Variants in ACOT11 observed in about 807,000 individuals in gnomAD.
ACOT11 encodes the protein acyl-CoA thioesterase 11.
ACOT11 carries 69 observed loss-of-function variants against 77.5 expected under a neutral mutation model. The observed-to-expected ratio is 0.89, with a 90% CI of 0.73 to 1.09. The LOEUF (loss-of-function observed/expected upper bound fraction) is 1.09. Among genes scored for constraint, ACOT11 ranks in the 50% least tolerant of loss-of-function variants. ACOT11 has a pLI of 0.00. For missense variants in ACOT11, 766 were observed against 813.7 expected (o/e 0.94, Z 0.71); for synonymous variants, 279 against 313.0 (o/e 0.89, Z 1.15).
chr1:54,584,757 G>A lies in ACOT11; in HGVS notation c.136G>A (p.Glu46Lys), dbSNP rs766706122. The change falls in exon 2 of 16, where the codon GAG becomes AAG. Residue 46 changes from glutamate to lysine, a missense_variant. Physicochemically the swap from Glu to Lys is moderately conservative, Grantham distance 56 (BLOSUM62 1). Coordinates refer to ENST00000343744, the MANE Select transcript of ACOT11 (RefSeq NM_147161.4). This position sits in a 1 kb window ranked among gnomAD's most constrained non-coding sequence, Gnocchi z 6.3. Reference sequence around the variant, plus strand: ...CGGCGAGGGATACCGGAACCCCACGGAGGTGCAGATGAGCCAGCTGGTGCT... The same window carrying A: ...CGGCGAGGGATACCGGAACCCCACGAAGGTGCAGATGAGCCAGCTGGTGCT... The part of the protein sequence containing the change: ...ADGEGYRNPT[E>K]VQMSQLVLPC... The A allele has an allele frequency of 7.4e-5, 119 of 1,614,000 alleles. No individual in the cohort carries two copies. The Admixed American group carries it at 2.0e-3, about 27-fold the overall frequency.
intron 1 of ACOT11, among the ~76,000 whole-genome samples, chr1:54,567,156 A>G (rs1343356670): frequency 2.0e-5 from 3 of 152,114 alleles, no homozygotes; most frequent in Non-Finnish European, 4.4e-5. Flanking sequence ...ATAGGATCTC[A>G]CAAATTCTTG....
chr1:54,632,233 C>A (rs1229736432), intron 16 of ACOT11, among the ~76,000 whole-genome samples: 1 of 152,216 alleles, frequency 6.6e-6, no homozygotes, highest in Admixed American at 6.5e-5. Context: ...GTCCCGGGCC[C>A]CGCTCTAAAC....
chr1:54,621,176 CCTG>C lies in ACOT11; in HGVS notation c.1630-9556_1630-9554del, dbSNP rs138111243. On this transcript the variant is annotated intron_variant, in intron 15 of 16. Coordinates refer to the ACOT11 transcript ENST00000371316. ...ACACTGTCTCAAAAAAAAAAAAAAA[CCTG>C]CGCGCGGCGGCTGACGCCTGTAATC... 1.7e-3 allele frequency among the ~76,000 whole-genome samples: 250 copies of C among 146,762 alleles called. 4 individuals carry two copies. The East Asian group carries it at 0.045, about 27-fold the overall frequency.
intron 11 of ACOT11, 142 bp from the exon 12 acceptor site, chr1:54,604,204 C>G (rs776161434): frequency 2.7e-6 from 2 of 751,978 alleles, no homozygotes; most frequent in African/African-American, 1.7e-5. Context: ...GCCCAGGACT[C>G]TTTCCACAGC....
chr1:54,616,024 T>C (rs1485536273), intron 15 of ACOT11: 2 of 1,613,724 alleles, frequency 1.2e-6, no homozygotes, highest in South Asian at 1.1e-5. Context: ...CCTTACCCTT[T>C]TGGGAAGAGC....
Position 54,610,143 on chromosome 1 carries a change from T to C in ACOT11, c.*1031T>C. On this transcript the variant is annotated 3_prime_UTR_variant, in exon 16 of 16. Transcript: ENST00000343744. ...GCATGAGAAACTCTTGTTTCAGCTC[T>C]TGGCCTTTACCCATGACTCAGCCTG... 17 of 1,433,508 alleles carry C rather than the reference T, an allele frequency of 1.2e-5. No individual in the cohort carries two copies. The highest frequency in any genetic ancestry group is 1.5e-5 in the Non-Finnish European group (16 of 1,099,526). 88.8% of individuals were successfully genotyped at this position (1,433,508 alleles called of 1,614,324 possible).
rs541965717 is a variant in ACOT11 at position 54,579,404 on chromosome 1, C to G, written c.34-5251C>G. Among the ~76,000 whole-genome samples, 7 of 152,222 alleles carry G rather than the reference C, an allele frequency of 4.6e-5. No individual in the cohort carries two copies. In the East Asian group the frequency reaches 1.4e-3, roughly 29 times the overall value. Reference sequence around the variant, plus strand: ...GTGTCCCGGGTATGTGTGTAGGCTGCCTCAGAGCCTTTTTTGGGAAGAAGG... The same window carrying G: ...GTGTCCCGGGTATGTGTGTAGGCTGGCTCAGAGCCTTTTTTGGGAAGAAGG... On this transcript the variant is annotated intron_variant, in intron 1 of 15. Coordinates refer to ENST00000343744, the MANE Select transcript of ACOT11 (RefSeq NM_147161.4).
rs759149149 is a variant in ACOT11, at chr1:54,607,996, G to A, written c.1557G>A (p.Thr519=). ...RSVTLPTHRE[T]PEYRRGETLC... is the part of the protein sequence containing the mutation. ...TCACGCTGCCCACACACCGAGAGAC[G>A]CCAGAGTACAGACGCGGAGAGACCC... The change falls in exon 15 of 16, where the codon ACG becomes ACA. Residue 519 remains threonine (T), a synonymous_variant. Transcript: ENST00000343744. This position sits in a 1 kb window ranked among gnomAD's most constrained non-coding sequence, Gnocchi z 4.5. The A allele has an allele frequency of 5.6e-6, 9 of 1,613,670 alleles. No homozygotes were observed. In the East Asian group the frequency reaches 1.8e-4, roughly 32 times the overall value.
At position 54,584,842 on chromosome 1, in the gene ACOT11, A is replaced by G; in HGVS notation, c.221A>G (p.Asp74Gly). 3 of 1,613,598 alleles carry G rather than the reference A, an allele frequency of 1.9e-6. No individual in the cohort carries two copies. Among genetic ancestry groups the G allele is most frequent in the Middle Eastern group, 1.7e-4 (1 of 6,048 alleles). The change falls in exon 2 of 16, where the codon GAC (aspartate) becomes GGC (glycine). Residue 74 changes from aspartate to glycine, a missense_variant. By Grantham distance (94) the Asp-to-Gly change is moderately conservative. Coordinates refer to ENST00000343744, the MANE Select transcript of ACOT11 (RefSeq NM_147161.4). This position sits in a 1 kb window ranked among gnomAD's most constrained non-coding sequence, Gnocchi z 6.3. ...GTCGGGCAGCTGCTCAAGTGGATTG[A>G]CACCACGGCTTGCCTGTCCGGTAAG... ...LSVGQLLKWI[D>G]TTACLSAERH...
chr1:54,583,567 G>T (rs1192233334), intron 1 of ACOT11, among the ~76,000 whole-genome samples: 1 of 151,108 alleles, frequency 6.6e-6, no homozygotes, highest in African/African-American at 2.4e-5. Flanking sequence ...GTGTAGTGTC[G>T]GGGGTAGGAG....
chr1:54,587,084 C>A (rs1468896232), intron 3 of ACOT11, among the ~76,000 whole-genome samples: 2 of 152,190 alleles, frequency 1.3e-5, no homozygotes, highest in South Asian at 4.1e-4. Flanking sequence ...AGATGAGCAC[C>A]TTTTCCAGAC....
chr1:54,590,811 G>A (rs1432469241), intron 3 of ACOT11, among the ~76,000 whole-genome samples: 1 of 152,194 alleles, frequency 6.6e-6, no homozygotes, highest in African/African-American at 2.4e-5. Context: ...CTGGGATGCA[G>A]TGGTGCGATC....
chr1:54,572,185 T>G (rs1303932015), intron 1 of ACOT11, among the ~76,000 whole-genome samples: 1 of 146,864 alleles, frequency 6.8e-6, no homozygotes, highest in African/African-American at 2.4e-5. Flanking sequence ...CCCTCCTGTC[T>G]TTGACGCCTT....
Position 54,609,027 on chromosome 1 carries a change from C to CT in ACOT11, c.1701dup (p.Glu568Ter). On this transcript the variant is annotated frameshift_variant, in exon 16 of 16. Coordinates refer to ENST00000343744, the MANE Select transcript of ACOT11 (RefSeq NM_147161.4). LOFTEE classifies it high-confidence loss of function. ...ACCACCAACGTGGCCGGCCTCTCCT[C>CT]TGAGTTCTACACCACCTTCAAGGCT... The CT allele has an allele frequency of 6.2e-7, 1 of 1,613,926 alleles. No individual in the cohort carries two copies. The highest frequency in any genetic ancestry group is 8.5e-7 in the Non-Finnish European group (1 of 1,179,964).
At chr1:54,602,838 GC>G (rs928676073) in intron 10 of ACOT11, 114 bp downstream of exon 10, 51 of 1,156,596 alleles carry the variant, frequency 4.4e-5, no homozygotes, top group Non-Finnish European at 5.7e-5. Context: ...CCTGGGCCGG[GC>G]CCTTTACATC....
rs1344418467 is a variant in ACOT11 at position 54,616,114 on chromosome 1, C to T, written c.1629+8046C>T. The T allele has an allele frequency of 1.1e-5, 17 of 1,614,056 alleles. No individual in the cohort carries two copies. The East Asian group carries it at 1.6e-4, about 15-fold the overall frequency. On this transcript the variant is annotated intron_variant, in intron 15 of 16. Transcript: ENST00000371316. Reference sequence around the variant, plus strand: ...GGTGTGCCATGATGGGAACTCCTGTCTCATTGGCTGTGCCGAGCCCTTCTA... The same window carrying T: ...GGTGTGCCATGATGGGAACTCCTGTTTCATTGGCTGTGCCGAGCCCTTCTA...
chr1:54,630,001 G>A (rs1280989194), intron 15 of ACOT11, among the ~76,000 whole-genome samples: 5 of 134,022 alleles, frequency 3.7e-5, no homozygotes, highest in African/African-American at 1.3e-4. Flanking sequence ...CCGGGTTCAC[G>A]CCATTCTCCT....
chr1:54,567,680 G>A (rs1033673480), intron 1 of ACOT11, among the ~76,000 whole-genome samples: 3 of 152,202 alleles, frequency 2.0e-5, no homozygotes, highest in African/African-American at 7.2e-5. Context: ...CGCAGGTGTA[G>A]CTGCCGCTTC....
chr1:54,630,019 C>T (rs1295244187), intron 15 of ACOT11, among the ~76,000 whole-genome samples: 3 of 134,334 alleles, frequency 2.2e-5, no homozygotes, highest in African/African-American at 7.6e-5. Context: ...CCTGCCTCAA[C>T]CTCCTGAGTA....
Sources: allele counts gnomAD v4.1 joint callset (sites outside exome capture counted in the v4.1 genomes callset), GRCh38; gene constraint gnomAD v4.1.1; non-coding constraint Gnocchi (gnomAD v3.1); transcripts MANE v1.5; gene names NCBI Gene and HGNC (gene_info 2026-07-23, HGNC 2026-07-21).